Variants in MAST4 observed in about 807,000 individuals in gnomAD.
MAST4 encodes the protein microtubule-associated serine/threonine-protein kinase 4.
A neutral mutation model predicts 162.7 loss-of-function variants in MAST4; 89 were observed. The observed-to-expected ratio is 0.55, with a 90% CI of 0.46 to 0.65. The LOEUF is 0.65. Ranked by LOEUF, MAST4 falls within the 30% of genes least tolerant of loss-of-function variation. The pLI is 0.00. For missense variants in MAST4, 3,153 were observed against 3,374.0 expected, an observed-to-expected ratio of 0.93 and a Z score of 1.62; for synonymous variants, 1,479 against 1,361.1, an observed-to-expected ratio of 1.09 and a Z score of -1.91.
At chr5:66,737,198 T>A (rs1752206590) in intron 1 of MAST4, among the ~76,000 whole-genome samples, 1 of 152,284 alleles carries the variant, frequency 6.6e-6, no homozygotes, top group Middle Eastern at 3.4e-3. Flanking sequence ...AGTCCTCTGA[T>A]GGTTTGACTG....
At chr5:67,086,265 G>A (rs928950471) in intron 5 of MAST4, among the ~76,000 whole-genome samples, 2 of 152,276 alleles carry the variant, frequency 1.3e-5, no homozygotes, top group Admixed American at 6.5e-5. Flanking sequence ...GCTATTAAAA[G>A]CACATTAATA....
chr5:66,621,063 G>A (rs1580009841), intron 1 of MAST4, among the ~76,000 whole-genome samples: 1 of 152,160 alleles, frequency 6.6e-6, no homozygotes, highest in Admixed American at 6.5e-5. Context: ...TTGTTAAAGT[G>A]AAGAGAGATA....
chr5:66,705,072 C>T (rs1750046073), intron 1 of MAST4, among the ~76,000 whole-genome samples: 1 of 152,152 alleles, frequency 6.6e-6, no homozygotes, highest in Non-Finnish European at 1.5e-5. Context: ...AGTTCCTCTG[C>T]TGACCTAGTT....
chr5:66,883,674 A>G (rs912906819), intron 3 of MAST4, among the ~76,000 whole-genome samples: 3 of 151,804 alleles, frequency 2.0e-5, no homozygotes, highest in Admixed American at 2.0e-4. Context: ...TGATCCACCC[A>G]CCTTGGCCTC....
chr5:66,788,331 G>T (rs1223332357), intron 2 of MAST4, among the ~76,000 whole-genome samples: 1 of 152,054 alleles, frequency 6.6e-6, no homozygotes. Flanking sequence ...AAATGCACGC[G>T]CTTACTTCTG....
At position 67,164,671 on chromosome 5, in the gene MAST4, C is replaced by G; in HGVS notation, c.5492C>G (p.Pro1831Arg). 6.2e-7 allele frequency: 1 copy of G among 1,614,012 alleles called. No individual in the cohort carries two copies. The highest frequency in any genetic ancestry group is 8.5e-7 in the Non-Finnish European group (1 of 1,179,890). The change falls in exon 29 of 29, where the codon CCA becomes CGA. Residue 1831 changes from proline (P) to arginine (R), a missense_variant. By Grantham distance (103) the Pro-to-Arg change is moderately radical (BLOSUM62 -2). Coordinates refer to ENST00000403625, the MANE Select transcript of MAST4 (RefSeq NM_001164664.2). The surrounding 1 kb of genome is among the most constrained non-coding windows in gnomAD (Gnocchi z 5.3). ...CCAGAGTCTGCACAGAGCCCCAGCC[C>G]AAGTGGTGACGTGAGGGCCTCTGTG... ...PSPESAQSPS[P>R]SGDVRASVPP...
chr5:67,125,886 C>T (rs528138486), intron 14 of MAST4, among the ~76,000 whole-genome samples: 129 of 152,282 alleles, frequency 8.5e-4, no homozygotes, highest in Middle Eastern at 3.4e-3. Flanking sequence ...AAAAACATTC[C>T]TGTTTTTCCA....
At chr5:66,843,646 TAG>T (rs1252009760) in intron 3 of MAST4, among the ~76,000 whole-genome samples, 2 of 152,148 alleles carry the variant, frequency 1.3e-5, no homozygotes, top group Non-Finnish European at 2.9e-5. Flanking sequence ...TATGTCCCCA[TAG>T]AGTGTTGATG....
chr5:67,022,511 C>A (rs993689303), intron 4 of MAST4, among the ~76,000 whole-genome samples: 7 of 151,918 alleles, frequency 4.6e-5, no homozygotes, highest in African/African-American at 1.7e-4. Flanking sequence ...GAATAAAATT[C>A]CCTCATGTGG....
At chr5:67,131,661 A>C (rs1768980911) in intron 15 of MAST4, among the ~76,000 whole-genome samples, 152 bp from the exon 16 acceptor site, 1 of 152,226 alleles carries the variant, frequency 6.6e-6, no homozygotes, top group Admixed American at 6.5e-5. Context: ...TTAGTTAGAA[A>C]CATGATAGGT....
intron 26 of MAST4, among the ~76,000 whole-genome samples, chr5:67,160,042 G>A (rs368803411): frequency 1.0e-3 from 158 of 152,360 alleles, no homozygotes; most frequent in African/African-American, 3.7e-3. Context: ...TGTGGAAGAA[G>A]TAGTTATCTT....
At chr5:66,942,763 A>G (rs1743505654) in intron 4 of MAST4, among the ~76,000 whole-genome samples, 2 of 152,176 alleles carry the variant, frequency 1.3e-5, no homozygotes, top group South Asian at 2.1e-4. Context: ...CATGAATGAT[A>G]GTATAACATA....
chr5:66,634,418 C>T (rs866157172), intron 1 of MAST4, among the ~76,000 whole-genome samples: 2 of 152,256 alleles, frequency 1.3e-5, no homozygotes, highest in East Asian at 1.9e-4. Flanking sequence ...TTCTTCTTCA[C>T]GTTGTCCATG....
chr5:66,634,580 C>T (rs966508637), intron 1 of MAST4, among the ~76,000 whole-genome samples: 7 of 152,110 alleles, frequency 4.6e-5, no homozygotes, highest in Non-Finnish European at 7.4e-5. Context: ...TTTCTTCCCT[C>T]GTAGAAAAAA....
rs551351547 is a variant in MAST4, at chr5:66,980,566, G to C, written c.675-73838G>C. ...CGTGGAATTTTACAAGAAATCTTTC[G>C]TGAAATGGCTGATGACCTCAATTCA... On this transcript the variant is annotated intron_variant, in intron 4 of 28. Coordinates refer to ENST00000403625, the MANE Select transcript of MAST4 (RefSeq NM_001164664.2). Among the ~76,000 whole-genome samples, 180 of 152,296 alleles carry C rather than the reference G, an allele frequency of 1.2e-3. 2 individuals carry two copies. The highest frequency in any genetic ancestry group is 4.2e-3 in the African/African-American group (176 of 41,548).
At chr5:66,962,917 A>G (rs1255622469) in intron 4 of MAST4, among the ~76,000 whole-genome samples, 1 of 152,186 alleles carries the variant, frequency 6.6e-6, no homozygotes, top group Non-Finnish European at 1.5e-5. Context: ...AAATTGTTGT[A>G]CTGTATCTAA....
rs1298362202 is a variant in MAST4, at chr5:67,166,911, G to A, written c.7732G>A (p.Val2578Met). 1.9e-6 allele frequency: 3 copies of A among 1,611,502 alleles called. No individual in the cohort carries two copies. The highest frequency in any genetic ancestry group is 2.5e-6 in the Non-Finnish European group (3 of 1,179,218). ...AQPPPARKQN[V>M]GRDVTKPSPA... The stretch of plus-strand genomic sequence containing the variant: ...GCCTCCCCCAGCTAGGAAACAGAAC[G>A]TGGGCAGAGACGTGACCAAGCCATC... Residue 2578 changes from valine to methionine, a missense_variant, in exon 29 of 29, where the codon GTG (valine) becomes ATG (methionine). Val to Met is a conservative substitution (Grantham distance 21). This residue lies in a region of MAST4 where 1,644 missense variants were observed against 1,495.0 expected (regional missense o/e 1.10). Transcript: ENST00000403625.
At position 67,130,192 on chromosome 5, in the gene MAST4, A is replaced by C; in HGVS notation, c.1746-18A>C. ...TTTCTCTCCTCCTGTCAACCCCAAT[A>C]CTTCTGCTCCTTTTCAGGGCAGTCT... On this transcript the variant is annotated intron_variant, in intron 14 of 28. Coordinates refer to ENST00000403625, the MANE Select transcript of MAST4 (RefSeq NM_001164664.2). The C allele has an allele frequency of 2.5e-6, 4 of 1,601,996 alleles. No individual in the cohort carries two copies. Among genetic ancestry groups the C allele is most frequent in the Non-Finnish European group, 3.4e-6 (4 of 1,173,132 alleles).
Position 66,782,181 on chromosome 5 carries a change from C to T in MAST4, c.518-6489C>T, listed in dbSNP as rs33697. On this transcript the variant is annotated intron_variant, in intron 2 of 28. Transcript: ENST00000403625. Reference sequence around the variant, plus strand: ...GTGGGCGCCTGTAATCCCAGCTACTCGGGAGGCTGAGGCAGGAAAATCGCT... The same window carrying T: ...GTGGGCGCCTGTAATCCCAGCTACTTGGGAGGCTGAGGCAGGAAAATCGCT... 0.014 allele frequency among the ~76,000 whole-genome samples: 2,191 copies of T among 151,114 alleles called. 211 individuals carry two copies. The East Asian group carries it at 0.27, about 18-fold the overall frequency.
Sources: allele counts gnomAD v4.1 joint callset (sites outside exome capture counted in the v4.1 genomes callset), GRCh38; gene constraint gnomAD v4.1.1; regional missense constraint gnomAD v4.1.1; non-coding constraint Gnocchi (gnomAD v3.1); transcripts MANE v1.5; gene names NCBI Gene and HGNC (gene_info 2026-07-23, HGNC 2026-07-21).